The following TRPC5 variants were observed in gnomAD, a reference collection of about 807,000 sequenced individuals.
TRPC5 encodes transient receptor potential cation channel subfamily C member 5, also known as short transient receptor potential channel 5.
Under a neutral mutation model 56.5 loss-of-function variants are expected in TRPC5, and 9 were observed. That is an observed-to-expected ratio of 0.16 (90% CI 0.10 to 0.28). The LOEUF is 0.28. Among genes scored for constraint, TRPC5 ranks in the 10% least tolerant of loss-of-function variants. TRPC5 has a pLI of 1.00. For synonymous variants in TRPC5, 282 were observed against 278.5 expected (o/e 1.01, Z -0.13); for missense variants, 469 against 748.9 (o/e 0.63, Z 4.36).
intron 1 of TRPC5, among the ~76,000 whole-genome samples, chrX:111,957,560 C>A (rs921991638): frequency 9.0e-6 from 1 of 111,711 alleles, no homozygotes; most frequent in African/African-American, 3.3e-5. Context: ...GGTCACGCAG[C>A]TAGTAAGTGG....
At chrX:111,850,159 C>T (rs923341029) in intron 5 of TRPC5, among the ~76,000 whole-genome samples, 4 of 110,357 alleles carry the variant, frequency 3.6e-5, no homozygotes, top group Admixed American at 9.7e-5. Context: ...CACATGGAAG[C>T]GAAGCAGTGG....
At chrX:111,882,572 C>T (rs2148600471) in intron 3 of TRPC5, among the ~76,000 whole-genome samples, 1 of 113,154 alleles carries the variant, frequency 8.8e-6, no homozygotes, top group African/African-American at 3.2e-5. Context: ...GCCAGCACCT[C>T]AGCTTAGATA....
intron 2 of TRPC5, among the ~76,000 whole-genome samples, chrX:111,920,344 A>C (rs1040845725): frequency 9.0e-6 from 1 of 111,291 alleles, no homozygotes; most frequent in African/African-American, 3.3e-5. Context: ...TTTAGTCTTC[A>C]CCTGGGCAAA....
chrX:111,838,721 T>C (rs1007714517), intron 6 of TRPC5, among the ~76,000 whole-genome samples: 2 of 111,634 alleles, frequency 1.8e-5, no homozygotes, highest in African/African-American at 6.5e-5. Context: ...GACAAATCCA[T>C]AACAGGTGGT....
chrX:112,036,238 G>T (rs1195889033), intron 1 of TRPC5, among the ~76,000 whole-genome samples: 1 of 111,704 alleles, frequency 9.0e-6, no homozygotes, highest in Non-Finnish European at 1.9e-5. Context: ...TAGGCTTTAG[G>T]TGGTCTACTA....
At position 111,933,940 on chromosome X, in the gene TRPC5, G is replaced by A. The variant is rs1437467434; in HGVS notation, c.378+18103C>T. Reference sequence around the variant, plus strand: ...ATTGTACATATTTATGGGGTACAGTGTGATCTTTCAATACATGTATACACT... The same window carrying A: ...ATTGTACATATTTATGGGGTACAGTATGATCTTTCAATACATGTATACACT... On this transcript the variant is annotated intron_variant, in intron 2 of 10. Coordinates refer to ENST00000262839, the MANE Select transcript of TRPC5 (RefSeq NM_012471.3). 1.1e-4 allele frequency among the ~76,000 whole-genome samples: 12 copies of A among 111,073 alleles called. No individual in the cohort carries two copies. The Admixed American group carries it at 1.2e-3, about 11-fold the overall frequency.
chrX:112,019,092 T>C (rs1239339538), intron 1 of TRPC5, among the ~76,000 whole-genome samples: 2 of 112,449 alleles, frequency 1.8e-5, no homozygotes, highest in Non-Finnish European at 3.7e-5. Context: ...AGGTCCTGAT[T>C]TGGGACCTTA....
At chrX:111,902,033 C>T in intron 3 of TRPC5, 1 of 1,155,274 alleles carries the variant, frequency 8.7e-7, no homozygotes, top group Non-Finnish European at 1.1e-6. Context: ...GCCTTCGCTA[C>T]CTGATCTCCC....
chrX:111,960,584 A>G (rs961355056), intron 1 of TRPC5, among the ~76,000 whole-genome samples: 1 of 111,769 alleles, frequency 8.9e-6, no homozygotes, highest in African/African-American at 3.3e-5. Flanking sequence ...TGAAACAGCA[A>G]ATAATAAGCA....
chrX:111,961,100 G>A (rs891126681), intron 1 of TRPC5, among the ~76,000 whole-genome samples: 6 of 112,089 alleles, frequency 5.4e-5, no homozygotes, highest in East Asian at 2.8e-4. Context: ...GTCAGCCAAC[G>A]TGCCCGGCCT....
At chrX:111,965,459 C>G (rs1220133102) in intron 1 of TRPC5, among the ~76,000 whole-genome samples, 1 of 111,729 alleles carries the variant, frequency 9.0e-6, no homozygotes, top group Non-Finnish European at 1.9e-5. Context: ...GAACTCAGCT[C>G]TGCACCAAGT....
At chrX:111,949,734 A>G (rs2085922501) in intron 2 of TRPC5, among the ~76,000 whole-genome samples, 1 of 111,816 alleles carries the variant, frequency 8.9e-6, no homozygotes, top group South Asian at 3.7e-4. Flanking sequence ...GAACACTTCT[A>G]TGCTGCTGCT....
intron 6 of TRPC5, among the ~76,000 whole-genome samples, chrX:111,843,641 C>A (rs752765821): frequency 1.8e-5 from 2 of 111,207 alleles, no homozygotes; most frequent in South Asian, 7.7e-4. Context: ...ATTACCAAGG[C>A]CCTGTGTGTT....
chrX:111,840,113 T>G (rs1440643533), intron 6 of TRPC5, among the ~76,000 whole-genome samples: 1 of 112,336 alleles, frequency 8.9e-6, no homozygotes, highest in Non-Finnish European at 1.9e-5. Context: ...GAGCTTGCAG[T>G]GAGCCGAGAT....
intron 3 of TRPC5, among the ~76,000 whole-genome samples, chrX:111,864,038 G>A (rs1923477002): frequency 9.0e-6 from 1 of 111,179 alleles, no homozygotes; most frequent in African/African-American, 3.3e-5. Context: ...CCAGGCTGGA[G>A]TGCAGTGGCG....
At position 111,778,967 on chromosome X, in the gene TRPC5, A is replaced by G; in HGVS notation, c.2232+18T>C. ...CTTATGATATGTAAAATGAAAAACC[A>G]CTTCATGATTAAATTACCTTAAAAT... On this transcript the variant is annotated intron_variant, in intron 10 of 10. Coordinates refer to ENST00000262839, the MANE Select transcript of TRPC5 (RefSeq NM_012471.3). The G allele has an allele frequency of 9.0e-7, 1 of 1,115,910 alleles. No homozygotes were observed. Among genetic ancestry groups the G allele is most frequent in the Non-Finnish European group, 1.2e-6 (1 of 817,830 alleles). 92.0% of individuals were successfully genotyped at this position (1,115,910 alleles called of 1,213,427 possible). A position where few individuals can be genotyped will look rare whatever the true frequency, so the allele number is the denominator to read the frequency against.
Position 111,779,098 on chromosome X carries a change from G to A in TRPC5, c.2143-24C>T, listed in dbSNP as rs926798313. 7.4e-6 allele frequency: 8 copies of A among 1,085,286 alleles called. No individual in the cohort carries two copies. In the Admixed American group the frequency reaches 9.2e-5, roughly 12 times the overall value. The allele number at this position is 1,085,286 out of a possible 1,213,427, so 89.4% of individuals were successfully genotyped here. On this transcript the variant is annotated intron_variant, in intron 9 of 10. Coordinates refer to ENST00000262839, the MANE Select transcript of TRPC5 (RefSeq NM_012471.3). ...TCCTGGAATTACAAAACATGAAGAA[G>A]CATTCAGTCTCCTTCTCAGGCTCTC...
At chrX:111,781,628 G>T (rs1003721872) in intron 8 of TRPC5, among the ~76,000 whole-genome samples, 1 of 112,441 alleles carries the variant, frequency 8.9e-6, no homozygotes, top group African/African-American at 3.2e-5. Context: ...GGAGGCTGAG[G>T]CAGGAGAATC....
At chrX:111,949,301 C>T (rs1275832223) in intron 2 of TRPC5, among the ~76,000 whole-genome samples, 1 of 111,955 alleles carries the variant, frequency 8.9e-6, no homozygotes, top group Admixed American at 9.5e-5. Context: ...GACCAAGAAC[C>T]CAAAAGCAAA....
Sources: gnomAD v4.1 joint callset for allele counts (sites outside exome capture counted in the v4.1 genomes callset) on GRCh38, gnomAD v4.1.1 for gene constraint, MANE v1.5 for transcripts, NCBI Gene and HGNC (gene_info 2026-07-23, HGNC 2026-07-21) for gene names.